Variants in ROR2 observed in about 807,000 individuals in gnomAD.
The protein encoded by ROR2 is tyrosine-protein kinase transmembrane receptor ROR2.
A neutral mutation model predicts 74.9 loss-of-function variants in ROR2; 33 were observed. The ratio of observed to expected loss-of-function variants is 0.44; its 90% confidence interval spans 0.33 to 0.59. The LOEUF is 0.59. ROR2 is among the 20% of genes least tolerant of loss of function. The pLI, the probability that ROR2 is intolerant of heterozygous loss-of-function variation, is 0.02. For synonymous variants in ROR2, 586 were observed against 558.7 expected (o/e 1.05, Z -0.69); for missense variants, 1,216 against 1,313.8 (o/e 0.93, Z 1.15).
chr9:91,842,740 C>G (rs919115176), intron 1 of ROR2, among the ~76,000 whole-genome samples: 1 of 152,240 alleles, frequency 6.6e-6, no homozygotes, highest in Admixed American at 6.5e-5. Flanking sequence ...TCCTGCCACC[C>G]CCCTCCTCCT....
chr9:91,802,067 G>GTTT (rs60111555), intron 1 of ROR2, among the ~76,000 whole-genome samples: 136 of 103,642 alleles, frequency 1.3e-3, no homozygotes, highest in Non-Finnish European at 1.9e-3. Flanking sequence ...TTTGGAAGGT[G>GTTT]TTTTTTTTTT....
intron 2 of ROR2, among the ~76,000 whole-genome samples, chr9:91,770,751 T>C (rs1826200419): frequency 6.6e-6 from 1 of 152,226 alleles, no homozygotes. Flanking sequence ...TTATGCTGAC[T>C]ATGTTTGCAG....
At chr9:91,725,165 C>A in intron 8 of ROR2, 58 bp from the exon 9 acceptor site, 1 of 1,606,904 alleles carries the variant, frequency 6.2e-7, no homozygotes, top group Non-Finnish European at 8.5e-7. Context: ...CTGGAGGAAG[C>A]TGCAGAGCAG....
At chr9:91,820,178 G>A (rs539281373) in intron 1 of ROR2, among the ~76,000 whole-genome samples, 35 of 152,236 alleles carry the variant, frequency 2.3e-4, no homozygotes, top group African/African-American at 8.2e-4. Context: ...GTTTGTTTTG[G>A]TTTTTAAAAT....
chr9:91,821,063 T>C (rs942574070), intron 1 of ROR2, among the ~76,000 whole-genome samples: 13 of 150,232 alleles, frequency 8.7e-5, no homozygotes, highest in African/African-American at 3.2e-4. Context: ...ATCATGCCAC[T>C]GCATTCCCGC....
chr9:91,915,175 C>T (rs1336952440), intron 1 of ROR2, among the ~76,000 whole-genome samples: 2 of 152,136 alleles, frequency 1.3e-5, no homozygotes, highest in African/African-American at 4.8e-5. Context: ...AACATGAGGA[C>T]TCTTAGGTGC....
chr9:91,851,957 C>T (rs1289670940), intron 1 of ROR2, among the ~76,000 whole-genome samples: 4 of 142,756 alleles, frequency 2.8e-5, no homozygotes, highest in Non-Finnish European at 3.0e-5. Flanking sequence ...GCCTGGGTGA[C>T]GGTGCAAGAC....
intron 8 of ROR2, 108 bp from the exon 9 acceptor site, chr9:91,725,215 G>A (rs1343900283): frequency 6.3e-7 from 1 of 1,585,032 alleles, no homozygotes; most frequent in Non-Finnish European, 8.6e-7. Flanking sequence ...CGACTAGGGG[G>A]GCCTTGCAGA....
At chr9:91,841,669 C>T (rs988438461) in intron 1 of ROR2, among the ~76,000 whole-genome samples, 1 of 152,204 alleles carries the variant, frequency 6.6e-6, no homozygotes, top group African/African-American at 2.4e-5. Context: ...CAGCCTCCCT[C>T]GTCCCTCTGC....
chr9:91,803,161 G>A (rs886439671), intron 1 of ROR2, among the ~76,000 whole-genome samples: 12 of 152,224 alleles, frequency 7.9e-5, no homozygotes, highest in Admixed American at 6.5e-4. Context: ...GGCAACCCAA[G>A]TGCCCTCAGG....
intron 1 of ROR2, among the ~76,000 whole-genome samples, chr9:91,922,759 A>G (rs1038395927): frequency 6.6e-6 from 1 of 152,066 alleles, no homozygotes; most frequent in Admixed American, 6.6e-5. Context: ...GACCAAGAAT[A>G]TTTTTTAAAA....
intron 4 of ROR2, among the ~76,000 whole-genome samples, chr9:91,747,174 C>G (rs189598962): frequency 6.6e-6 from 1 of 152,226 alleles, no homozygotes; most frequent in African/African-American, 2.4e-5. Flanking sequence ...TTGGATAACC[C>G]GGGCCTCGGA....
intron 1 of ROR2, among the ~76,000 whole-genome samples, chr9:91,790,665 A>G (rs1412595401): frequency 6.6e-6 from 1 of 152,226 alleles, no homozygotes; most frequent in Non-Finnish European, 1.5e-5. Context: ...ACTGTTAAAC[A>G]GCCCCAGGCA....
intron 1 of ROR2, among the ~76,000 whole-genome samples, chr9:91,841,014 T>C (rs944845091): frequency 3.3e-5 from 5 of 152,226 alleles, no homozygotes; most frequent in African/African-American, 4.8e-5. Flanking sequence ...GCTCCTTATA[T>C]GTAATACAGC....
intron 7 of ROR2, among the ~76,000 whole-genome samples, chr9:91,730,397 T>A (rs10992069): frequency 0.091 from 13,886 of 152,230 alleles, 761 homozygotes; most frequent in Middle Eastern, 0.16. Context: ...TTCAGACTTT[T>A]CTATATTTTA....
At chr9:91,805,355 G>GT (rs1210252789) in intron 1 of ROR2, among the ~76,000 whole-genome samples, 1 of 152,194 alleles carries the variant, frequency 6.6e-6, no homozygotes. Context: ...AGGTACACAG[G>GT]TGAGGACCCC....
At chr9:91,852,802 T>G (rs1001507333) in intron 1 of ROR2, among the ~76,000 whole-genome samples, 8 of 152,196 alleles carry the variant, frequency 5.3e-5, no homozygotes. Context: ...GACCAAGAAC[T>G]TGGGGGATTC....
intron 1 of ROR2, among the ~76,000 whole-genome samples, chr9:91,808,803 A>G (rs996552584): frequency 6.8e-6 from 1 of 146,920 alleles, no homozygotes; most frequent in African/African-American, 2.5e-5. Context: ...AAAAATATAC[A>G]TATTTTTTTT....
intron 1 of ROR2, among the ~76,000 whole-genome samples, chr9:91,847,224 GA>G (rs1192984886): frequency 6.6e-6 from 1 of 152,170 alleles, no homozygotes; most frequent in Non-Finnish European, 1.5e-5. Flanking sequence ...AGACAGCACA[GA>G]CAGACTTAGA....
Sources: allele counts gnomAD v4.1 joint callset (sites outside exome capture counted in the v4.1 genomes callset), GRCh38; gene constraint gnomAD v4.1.1; transcripts MANE v1.5; gene names NCBI Gene and HGNC (gene_info 2026-07-23, HGNC 2026-07-21).